Variants in SMS observed in about 807,000 individuals in gnomAD.
SMS encodes spermidine aminopropyltransferase.
SMS carries 3 observed loss-of-function variants against 33.0 expected under a neutral mutation model. That is an observed-to-expected ratio of 0.09 (90% CI 0.04 to 0.23). The LOEUF (loss-of-function observed/expected upper bound fraction) is 0.23, where lower values mean the gene tolerates loss of function less well. Among genes scored for constraint, SMS ranks in the 10% least tolerant of loss-of-function variants. The probability of loss-of-function intolerance (pLI) is 1.00; values close to 1 mark genes in which losing one functional copy is unlikely to be tolerated. For synonymous variants in SMS, 103 were observed against 112.2 expected, an observed-to-expected ratio of 0.92 and a Z score of 0.52; for missense variants, 117 against 288.6, an observed-to-expected ratio of 0.41 and a Z score of 4.31.
At chrX:21,972,251 G>C (rs1315583790) in intron 3 of SMS, among the ~76,000 whole-genome samples, 1 of 111,814 alleles carries the variant, frequency 8.9e-6, no homozygotes, top group Admixed American at 9.5e-5. Flanking sequence ...GGATTTTATA[G>C]CTGCAGTACC....
At chrX:21,949,704 C>T (rs952376587) in intron 1 of SMS, among the ~76,000 whole-genome samples, 1 of 111,907 alleles carries the variant, frequency 8.9e-6, no homozygotes, top group Admixed American at 9.5e-5. Flanking sequence ...GACTGTAGAT[C>T]ACAGTGTTCA....
At chrX:21,966,568 T>G (rs2078993413) in intron 1 of SMS, among the ~76,000 whole-genome samples, 2 of 110,779 alleles carry the variant, frequency 1.8e-5, no homozygotes, top group East Asian at 2.9e-4. Flanking sequence ...GGGGGTGGGG[T>G]GGGGAGACCG....
chrX:21,992,239 T>C (rs940846499), intron 9 of SMS, among the ~76,000 whole-genome samples: 19 of 112,652 alleles, frequency 1.7e-4, no homozygotes, highest in Non-Finnish European at 2.8e-4. Context: ...ATTTGTAATA[T>C]AATGGTGACC....
intron 1 of SMS, among the ~76,000 whole-genome samples, chrX:21,943,626 C>A (rs757958158): frequency 9.4e-6 from 1 of 105,863 alleles, no homozygotes; most frequent in South Asian, 4.2e-4. Flanking sequence ...AGAACTATTA[C>A]GTGTGTGTGG....
intron 1 of SMS, among the ~76,000 whole-genome samples, chrX:21,957,050 G>A (rs186550959): frequency 9.0e-6 from 1 of 111,645 alleles, no homozygotes; most frequent in East Asian, 2.8e-4. Context: ...GATGGGGACA[G>A]GTAGAGAAGA....
At chrX:21,975,185 C>T (rs1924455288) in intron 4 of SMS, among the ~76,000 whole-genome samples, 1 of 111,020 alleles carries the variant, frequency 9.0e-6, no homozygotes, top group Non-Finnish European at 1.9e-5. Flanking sequence ...AAGGTTGAAA[C>T]GAGTTTGGTA....
At chrX:21,956,621 CACCA>C (rs2147497443) in intron 1 of SMS, among the ~76,000 whole-genome samples, 1 of 111,368 alleles carries the variant, frequency 9.0e-6, no homozygotes, top group African/African-American at 3.3e-5. Context: ...AGGCATGCGC[CACCA>C]CGCCCGGCTA....
At chrX:21,966,260 C>T (rs6528074) in intron 1 of SMS, among the ~76,000 whole-genome samples, 31,363 of 111,220 alleles carry the variant, frequency 0.28, 3,265 homozygotes, top group Admixed American at 0.39. Context: ...GATATTTTTC[C>T]CCTCACAGGA....
chrX:21,992,563 A>C lies in SMS; in HGVS notation c.946-34A>C, dbSNP rs1032814341. 9 of 940,184 alleles carry C rather than the reference A, an allele frequency of 9.6e-6. No homozygotes were observed. The Admixed American group carries it at 2.0e-4, about 21-fold the overall frequency. 77.5% of individuals were successfully genotyped at this position (940,184 alleles called of 1,213,427 possible). A position where few individuals can be genotyped will look rare whatever the true frequency, so the allele number is the denominator to read the frequency against. On this transcript the variant is annotated intron_variant, in intron 9 of 10. Coordinates refer to ENST00000404933, the MANE Select transcript of SMS (RefSeq NM_004595.5). The stretch of plus-strand genomic sequence containing the variant: ...ATGAGTGGGGCCCTTGGAAGGACTC[A>C]AGAATCCCATTTGCTTATCTCTCTT...
intron 7 of SMS, among the ~76,000 whole-genome samples, chrX:21,982,071 C>T (rs905258451): frequency 9.0e-6 from 1 of 110,579 alleles, no homozygotes; most frequent in Non-Finnish European, 1.9e-5. Flanking sequence ...CGGTGGCTCA[C>T]ACCTGTAATC....
At chrX:21,958,309 A>G (rs1220274830) in intron 1 of SMS, among the ~76,000 whole-genome samples, 1 of 111,913 alleles carries the variant, frequency 8.9e-6, no homozygotes, top group Non-Finnish European at 1.9e-5. Flanking sequence ...GTGAGAGATG[A>G]GGATCCAGTT....
intron 9 of SMS, among the ~76,000 whole-genome samples, chrX:21,990,647 T>A (rs1186378704): frequency 8.9e-6 from 1 of 112,533 alleles, no homozygotes; most frequent in African/African-American, 3.2e-5. Flanking sequence ...AATTGAAACT[T>A]TCCTATTTTC....
intron 2 of SMS, among the ~76,000 whole-genome samples, chrX:21,970,511 G>T (rs1277553952): frequency 9.0e-6 from 1 of 111,608 alleles, no homozygotes; most frequent in African/African-American, 3.3e-5. Flanking sequence ...CTCTGGGGAA[G>T]AACTTGATTT....
chrX:21,945,873 T>C (rs920662419), intron 1 of SMS, among the ~76,000 whole-genome samples: 4 of 111,083 alleles, frequency 3.6e-5, no homozygotes, highest in South Asian at 3.8e-4. Context: ...TCCACCCGCA[T>C]TGGCCTCTCA....
At chrX:21,950,183 G>A (rs1003517908) in intron 1 of SMS, among the ~76,000 whole-genome samples, 1 of 111,500 alleles carries the variant, frequency 9.0e-6, no homozygotes, top group Non-Finnish European at 1.9e-5. Context: ...TGTTACTGGT[G>A]CACACTGCAG....
chrX:21,965,130 A>C (rs1923611577), intron 1 of SMS, among the ~76,000 whole-genome samples: 1 of 111,696 alleles, frequency 9.0e-6, no homozygotes, highest in African/African-American at 3.3e-5. Flanking sequence ...CATTGGGTTT[A>C]GGGTCTGGGT....
intron 4 of SMS, 69 bp from the exon 5 acceptor site, chrX:21,976,992 T>A: frequency 9.5e-7 from 1 of 1,048,223 alleles, no homozygotes; most frequent in Non-Finnish European, 1.3e-6. Context: ...TTTTGCACAC[T>A]CTTCATCCTA....
intron 7 of SMS, among the ~76,000 whole-genome samples, chrX:21,980,409 T>C (rs1924838658): frequency 3.5e-5 from 1 of 28,622 alleles, no homozygotes; most frequent in South Asian, 3.6e-3. Flanking sequence ...AGAGGGAGAC[T>C]GTCTCCAAAA....
chrX:21,944,544 A>AAAAAAAAAAAAAAAAAAAAAAAAAAAAAG (rs1555992699), intron 1 of SMS, among the ~76,000 whole-genome samples: 1 of 99,062 alleles, frequency 1.0e-5, no homozygotes, highest in Non-Finnish European at 2.0e-5. Flanking sequence ...AAAAAAAAAA[A>AAAAAAAAAAAAAAAAAAAAAAAAAAAAAG]AGAAAAAAAA....
Sources: gnomAD v4.1 joint callset for allele counts (sites outside exome capture counted in the v4.1 genomes callset) on GRCh38, gnomAD v4.1.1 for gene constraint, MANE v1.5 for transcripts, NCBI Gene and HGNC (gene_info 2026-07-23, HGNC 2026-07-21) for gene names.